Variants in LGSN observed in about 807,000 individuals in gnomAD.
LGSN encodes the protein lengsin, lens protein with glutamine synthetase domain.
A neutral mutation model predicts 19.5 loss-of-function variants in LGSN; 21 were observed. That is an observed-to-expected ratio of 1.07 (90% confidence interval 0.76 to 1.55). LGSN has a LOEUF of 1.55. Among genes scored for constraint, LGSN ranks in the 40% most tolerant of loss-of-function variants. The probability of loss-of-function intolerance (pLI) is 0.00; values close to 1 mark genes in which losing one functional copy is unlikely to be tolerated. For missense variants in LGSN, 673 were observed against 608.5 expected (o/e 1.11, Z -1.12); for synonymous variants, 257 against 215.6 (o/e 1.19, Z -1.68).
At chr6:63,330,789 A>G in the LGSN span, among the ~76,000 whole-genome samples, 6 of 152,304 alleles carry the variant, frequency 3.9e-5, no homozygotes, top group Admixed American at 6.5e-5. Flanking sequence ...TCTGTCATTT[A>G]CTTGACTAAG....
chr6:63,280,476 T>C lies in LGSN; in HGVS notation c.1075A>G (p.Met359Val). 1 of 1,614,176 alleles carries C rather than the reference T, an allele frequency of 6.2e-7. No homozygotes were observed. The highest frequency in any genetic ancestry group is 8.5e-7 in the Non-Finnish European group (1 of 1,180,046). Reference protein sequence around the residue: ...LKHSAALSCLMAPSVSCRKRY... With the variant: ...LKHSAALSCLVAPSVSCRKRY... ...TTTCGGCAGCTAACAGAAGGCGCCA[T>C]CAGGCAGCTGAGCGCAGCAGAGTGC... is the stretch of plus-strand genomic sequence containing the variant. The change falls in exon 4 of 4, where the codon ATG becomes GTG. Residue 359 changes from methionine to valine, a missense_variant. Transcript: ENST00000370657.
the LGSN span, among the ~76,000 whole-genome samples, chr6:63,470,990 C>A: frequency 7.5e-6 from 1 of 133,936 alleles, no homozygotes; most frequent in Non-Finnish European, 1.5e-5. Context: ...GCCCAGGCTG[C>A]AGTGCAATGG....
At chr6:63,414,101 A>T in the LGSN span, among the ~76,000 whole-genome samples, 2 of 152,208 alleles carry the variant, frequency 1.3e-5, no homozygotes, top group Admixed American at 1.3e-4. Context: ...ACTATGATCA[A>T]GTCACAACAT....
At chr6:63,390,400 G>C in the LGSN span, among the ~76,000 whole-genome samples, 1 of 151,438 alleles carries the variant, frequency 6.6e-6, no homozygotes, top group Non-Finnish European at 1.5e-5. Context: ...AAAGTGCTGG[G>C]ATTACAGGTT....
At chr6:63,326,506 G>A in the LGSN span, among the ~76,000 whole-genome samples, 562 of 152,322 alleles carry the variant, frequency 3.7e-3, 1 homozygote, top group African/African-American at 0.013. Context: ...AGGGGGTGGC[G>A]CTTGTTGAGG....
chr6:63,509,530 A>G, the LGSN span, among the ~76,000 whole-genome samples: 1 of 152,310 alleles, frequency 6.6e-6, no homozygotes, highest in South Asian at 2.1e-4. Flanking sequence ...TATATCAAAT[A>G]TTAATTATAC....
chr6:63,357,646 A>G, the LGSN span, among the ~76,000 whole-genome samples: 11 of 152,152 alleles, frequency 7.2e-5, no homozygotes, highest in African/African-American at 2.2e-4. Context: ...AGAAGTGTCT[A>G]TTCATATCCT....
chr6:63,435,872 G>A, the LGSN span, among the ~76,000 whole-genome samples: 2 of 146,654 alleles, frequency 1.4e-5, no homozygotes, highest in African/African-American at 5.0e-5. Context: ...ATATGTATGT[G>A]ATTATAGTAT....
the LGSN span, among the ~76,000 whole-genome samples, chr6:63,425,922 A>T: frequency 6.6e-6 from 1 of 152,226 alleles, no homozygotes; most frequent in Non-Finnish European, 1.5e-5. Context: ...CAGTTATATT[A>T]TAGTTTTGCA....
At chr6:63,496,307 T>C in the LGSN span, among the ~76,000 whole-genome samples, 2 of 152,218 alleles carry the variant, frequency 1.3e-5, no homozygotes, top group African/African-American at 4.8e-5. Flanking sequence ...CTCAGCTAGA[T>C]TTTGACCTTA....
At chr6:63,551,597 T>C in the LGSN span, among the ~76,000 whole-genome samples, 3 of 152,192 alleles carry the variant, frequency 2.0e-5, no homozygotes, top group Non-Finnish European at 4.4e-5. Context: ...GCAGGTTTGT[T>C]ACATATGTAT....
the LGSN span, among the ~76,000 whole-genome samples, chr6:63,421,956 T>C: frequency 1.3e-5 from 2 of 151,978 alleles, no homozygotes; most frequent in Admixed American, 6.6e-5. Context: ...GATATGAACA[T>C]ACAAATTCAA....
intron 3 of LGSN, among the ~76,000 whole-genome samples, chr6:63,284,943 C>A (rs1767467522): frequency 6.6e-6 from 1 of 152,108 alleles, no homozygotes; most frequent in Non-Finnish European, 1.5e-5. Flanking sequence ...TTAAATAGTA[C>A]CGACCTGATG....
the LGSN span, among the ~76,000 whole-genome samples, chr6:63,522,214 T>C: frequency 1.3e-5 from 2 of 152,222 alleles, no homozygotes; most frequent in Non-Finnish European, 2.9e-5. Context: ...TTCTCCAAAG[T>C]ATTTTAAGGG....
chr6:63,281,557 T>C lies in LGSN; in HGVS notation c.331-337A>G, dbSNP rs993032626. 5.9e-5 allele frequency among the ~76,000 whole-genome samples: 9 copies of C among 152,150 alleles called. No homozygotes were observed. The East Asian group carries it at 1.4e-3, about 23-fold the overall frequency. On this transcript the variant is annotated intron_variant, in intron 3 of 3. Transcript: ENST00000370657. ...AGCAAAAAACAAAGGAAAAGCCTTATGGAATTATTTGAAATTATCATCATC... is the reference window on the plus strand; with the variant it reads ...AGCAAAAAACAAAGGAAAAGCCTTACGGAATTATTTGAAATTATCATCATC...
chr6:63,456,355 A>G, the LGSN span, among the ~76,000 whole-genome samples: 1 of 13,366 alleles, frequency 7.5e-5, no homozygotes, highest in South Asian at 2.6e-3. Context: ...AAATATACAT[A>G]TATATATATA....
At chr6:63,324,997 A>G in the LGSN span, among the ~76,000 whole-genome samples, 1 of 150,774 alleles carries the variant, frequency 6.6e-6, no homozygotes, top group Non-Finnish European at 1.5e-5. Context: ...CCAGCTACTC[A>G]GGGGACTCAG....
At chr6:63,470,662 C>T in the LGSN span, among the ~76,000 whole-genome samples, 1 of 151,892 alleles carries the variant, frequency 6.6e-6, no homozygotes, top group Non-Finnish European at 1.5e-5. Flanking sequence ...AAGGAATACA[C>T]CTTAAAAATT....
intron 2 of LGSN, among the ~76,000 whole-genome samples, chr6:63,290,976 G>A (rs977123146): frequency 6.6e-6 from 1 of 152,216 alleles, no homozygotes; most frequent in African/African-American, 2.4e-5. Flanking sequence ...GAGGTTGTTA[G>A]TGCTCATGCT....
Sources: allele counts gnomAD v4.1 joint callset (sites outside exome capture counted in the v4.1 genomes callset), GRCh38; gene constraint gnomAD v4.1.1; transcripts MANE v1.5; gene names NCBI Gene and HGNC (gene_info 2026-07-23, HGNC 2026-07-21).